Variants in ARHGAP19 observed in about 807,000 individuals in gnomAD.
ARHGAP19 encodes rho GTPase-activating protein 19.
Under a neutral mutation model 60.9 loss-of-function variants are expected in ARHGAP19, and 48 were observed. The observed-to-expected ratio is 0.79, with a 90% CI of 0.62 to 1.00. The LOEUF (loss-of-function observed/expected upper bound fraction) is 1.00, where lower values mean the gene tolerates loss of function less well. ARHGAP19 is among the 50% of genes least tolerant of loss of function. The pLI is 0.00. For synonymous variants in ARHGAP19, 209 were observed against 215.5 expected, an observed-to-expected ratio of 0.97 and a Z score of 0.27; for missense variants, 562 against 597.2, an observed-to-expected ratio of 0.94 and a Z score of 0.61.
At position 97,239,948 on chromosome 10, in the gene ARHGAP19, C is replaced by T. The variant is rs193097426; in HGVS notation, c.1185+4020G>A. 1.3e-3 allele frequency among the ~76,000 whole-genome samples: 194 copies of T among 151,848 alleles called. 2 individuals carry two copies. The highest frequency in any genetic ancestry group is 6.8e-3 in the Middle Eastern group (2 of 294). ...TCTCGAACTCCCGACCTCAGGTGACCGGCCTGCCTCAGCCTCCTAAAGTGC... is the reference window on the plus strand; with the variant it reads ...TCTCGAACTCCCGACCTCAGGTGACTGGCCTGCCTCAGCCTCCTAAAGTGC... On this transcript the variant is annotated intron_variant, in intron 8 of 11. Coordinates refer to ENST00000358531, the MANE Select transcript of ARHGAP19 (RefSeq NM_032900.6).
chr10:97,291,931 T>C (rs938197050), intron 1 of ARHGAP19, among the ~76,000 whole-genome samples: 2 of 152,312 alleles, frequency 1.3e-5, no homozygotes, highest in African/African-American at 2.4e-5. Context: ...CATGATGTCC[T>C]GGACTACAGA....
At chr10:97,238,057 A>G (rs1372089481) in intron 8 of ARHGAP19, among the ~76,000 whole-genome samples, 1 of 152,138 alleles carries the variant, frequency 6.6e-6, no homozygotes, top group Non-Finnish European at 1.5e-5. Flanking sequence ...TTCTAGAAAA[A>G]GGCATTGTTA....
intron 6 of ARHGAP19, among the ~76,000 whole-genome samples, chr10:97,256,104 A>G (rs750192947): frequency 2.0e-5 from 3 of 152,148 alleles, no homozygotes; most frequent in Non-Finnish European, 4.4e-5. Context: ...GGGTGGAGTC[A>G]GTTACCCAGA....
At chr10:97,286,102 C>T (rs1843151453) in intron 1 of ARHGAP19, among the ~76,000 whole-genome samples, 3 of 152,054 alleles carry the variant, frequency 2.0e-5, no homozygotes, top group Non-Finnish European at 4.4e-5. Context: ...CAAGAAAATC[C>T]CCTGAAGAAA....
intron 4 of ARHGAP19, 138 bp downstream of exon 4, chr10:97,263,282 G>GAA: frequency 2.5e-6 from 2 of 812,052 alleles, no homozygotes; most frequent in Non-Finnish European, 3.9e-6. Flanking sequence ...AGTACCCAGA[G>GAA]AAGTCCAGCA....
At chr10:97,280,466 T>C (rs1285587978) in intron 1 of ARHGAP19, among the ~76,000 whole-genome samples, 1 of 152,084 alleles carries the variant, frequency 6.6e-6, no homozygotes, top group Non-Finnish European at 1.5e-5. Context: ...CCCTATTAAC[T>C]TGGAAAAAGT....
At chr10:97,292,387 T>C (rs911799540) in intron 1 of ARHGAP19, among the ~76,000 whole-genome samples, 185 bp downstream of exon 1, 1 of 151,680 alleles carries the variant, frequency 6.6e-6, no homozygotes, top group Non-Finnish European at 1.5e-5. Flanking sequence ...GAGCGGGGGG[T>C]TTGGCTGGAG....
chr10:97,278,972 T>G (rs1257689253), intron 1 of ARHGAP19, among the ~76,000 whole-genome samples: 1 of 152,242 alleles, frequency 6.6e-6, no homozygotes, highest in Non-Finnish European at 1.5e-5. Flanking sequence ...ATGAGCTATA[T>G]TTAAAGTTGT....
chr10:97,244,034 C>T lies in ARHGAP19; in HGVS notation c.1119G>A (p.Leu373=), dbSNP rs1842526921. 1.2e-6 allele frequency: 2 copies of T among 1,614,036 alleles called. No individual in the cohort carries two copies. The highest frequency in any genetic ancestry group is 1.3e-5 in the African/African-American group (1 of 75,016). ...CATGAACGTGTTGAAACAGCTCTCT[C>T]AGTGCCTCTTCCGTATGGTGCTGGG... ...EETQHHTEEA[L]RELFQHVHDM... The change falls in exon 8 of 12, where the codon CTG becomes CTA. Residue 373 remains leucine (L), a synonymous_variant. Coordinates refer to ENST00000358531, the MANE Select transcript of ARHGAP19 (RefSeq NM_032900.6).
chr10:97,255,659 G>C (rs11189074), intron 6 of ARHGAP19, among the ~76,000 whole-genome samples: 6,581 of 152,210 alleles, frequency 0.043, 211 homozygotes, highest in Non-Finnish European at 0.061. Flanking sequence ...ACTGTGCTAC[G>C]TTTTGCTAAA....
chr10:97,255,585 A>G (rs1176691860), intron 6 of ARHGAP19, among the ~76,000 whole-genome samples: 1 of 152,214 alleles, frequency 6.6e-6, no homozygotes, highest in Non-Finnish European at 1.5e-5. Flanking sequence ...TGAAAAAAAA[A>G]GATGCTAAAA....
intron 8 of ARHGAP19, among the ~76,000 whole-genome samples, chr10:97,238,936 C>A (rs1285622869): frequency 6.6e-6 from 1 of 152,136 alleles, no homozygotes; most frequent in Admixed American, 6.6e-5. Context: ...ATCTTTTATA[C>A]TGTATTTTTA....
intron 1 of ARHGAP19, among the ~76,000 whole-genome samples, chr10:97,273,980 A>AACAC (rs887141522): frequency 7.4e-6 from 1 of 135,278 alleles, no homozygotes; most frequent in African/African-American, 2.5e-5. Context: ...CACACACACA[A>AACAC]ACACACACAC....
intron 11 of ARHGAP19, among the ~76,000 whole-genome samples, chr10:97,228,383 A>C (rs1297344508): frequency 6.6e-6 from 1 of 152,242 alleles, no homozygotes; most frequent in Non-Finnish European, 1.5e-5. Flanking sequence ...TAATGATTTA[A>C]CAATGACAAT....
In ARHGAP19 at chr10:97,244,087, C is replaced by T. The variant is rs781755482; in HGVS notation, c.1066G>A (p.Val356Ile). The change falls in exon 8 of 12, where the codon GTA becomes ATA. Residue 356 changes from valine to isoleucine, a missense_variant. Coordinates refer to ENST00000358531, the MANE Select transcript of ARHGAP19 (RefSeq NM_032900.6). Reference sequence around the variant, plus strand: ...TCCTCCTGGTGAGGGCAGGAATCTACCCGGTTCCGTTTCTGAGACTTTGCC... The same window carrying T: ...TCCTCCTGGTGAGGGCAGGAATCTATCCGGTTCCGTTTCTGAGACTTTGCC... ...QLAKSQKRNR[V>I]DSCPHQEETQ... 3.7e-6 allele frequency: 6 copies of T among 1,614,016 alleles called. No individual in the cohort carries two copies. In the South Asian group the frequency reaches 6.6e-5, roughly 18 times the overall value.
chr10:97,271,781 G>A (rs1842961966), intron 1 of ARHGAP19, among the ~76,000 whole-genome samples: 1 of 151,674 alleles, frequency 6.6e-6, no homozygotes, highest in African/African-American at 2.4e-5. Flanking sequence ...TTCCAGAGGA[G>A]ATATATATAT....
chr10:97,286,668 G>A (rs1843159662), intron 1 of ARHGAP19, among the ~76,000 whole-genome samples: 1 of 152,166 alleles, frequency 6.6e-6, no homozygotes, highest in Non-Finnish European at 1.5e-5. Flanking sequence ...ACAAGACATA[G>A]AACCCTTTCC....
chr10:97,287,372 G>A (rs906319302), intron 1 of ARHGAP19, among the ~76,000 whole-genome samples: 1 of 152,224 alleles, frequency 6.6e-6, no homozygotes, highest in African/African-American at 2.4e-5. Flanking sequence ...ACCAGAAATG[G>A]AAGGGAGGGG....
chr10:97,252,757 A>C, intron 6 of ARHGAP19, among the ~76,000 whole-genome samples: 1 of 152,218 alleles, frequency 6.6e-6, no homozygotes, highest in Non-Finnish European at 1.5e-5. Flanking sequence ...ACTTCTCAAA[A>C]AACTAAAAAT....
Sources: allele counts gnomAD v4.1 joint callset (sites outside exome capture counted in the v4.1 genomes callset), GRCh38; gene constraint gnomAD v4.1.1; transcripts MANE v1.5; gene names NCBI Gene and HGNC (gene_info 2026-07-23, HGNC 2026-07-21).